Variants in CDHR4 observed in about 807,000 individuals in gnomAD.
The protein encoded by CDHR4 is cadherin related family member 4.
Under a neutral mutation model 88.4 loss-of-function variants are expected in CDHR4, and 89 were observed. The observed-to-expected ratio is 1.01, with a 90% CI of 0.85 to 1.20. CDHR4 has a LOEUF of 1.20. CDHR4 is among the 50% of genes most tolerant of loss of function. The pLI is 0.00. For missense variants in CDHR4, 914 were observed against 1,007.2 expected (o/e 0.91, Z 1.25); for synonymous variants, 368 against 399.2 (o/e 0.92, Z 0.93).
upstream of CDHR4, among the ~76,000 whole-genome samples, chr3:49,800,577 T>C (rs920772205): frequency 1.9e-4 from 29 of 151,834 alleles, no homozygotes; most frequent in Non-Finnish European, 3.5e-4. Context: ...AAGGAATCCT[T>C]TATGATAGAA....
chr3:49,797,044 G>A lies in CDHR4; in HGVS notation c.496-12C>T. On this transcript the variant is annotated splice_polypyrimidine_tract_variant and intron_variant, in intron 4 of 18. Coordinates refer to ENST00000412678, the MANE Select transcript of CDHR4 (RefSeq NM_001007540.4). ...CTGATAATGCTCATCTGACAGAACA[G>A]AGATGCTGGCAACCACATTCAGCCC... 6.5e-7 allele frequency: 1 copy of A among 1,549,652 alleles called. No individual in the cohort carries two copies.
rs552439019 is a variant in CDHR4, at chr3:49,795,264, C to T, written c.963G>A (p.Lys321=). 1.0e-5 allele frequency: 16 copies of T among 1,551,686 alleles called. No individual in the cohort carries two copies. Among genetic ancestry groups the T allele is most frequent in the East Asian group, 4.9e-5 (2 of 40,922 alleles). ...FEQGQLWASA[K]LNLTMNVQLV... is the part of the protein sequence containing the mutation. ...GCTGCACATTCATGGTGAGATTGAG[C>T]TTGGCACTGGCCCACAGCTGGCCCT... is the stretch of plus-strand genomic sequence containing the variant. Residue 321 remains lysine, a synonymous_variant, in exon 8 of 19, where the codon AAG becomes AAA. Transcript: ENST00000412678. This position sits in a 1 kb window ranked among gnomAD's most constrained non-coding sequence, Gnocchi z 5.4.
At chr3:49,791,562 T>A (rs1406551763) in intron 17 of CDHR4, 94 bp from the exon 18 acceptor site, 1 of 1,489,724 alleles carries the variant, frequency 6.7e-7, no homozygotes, top group Non-Finnish European at 9.1e-7. Flanking sequence ...GAAGCCCACC[T>A]GCCTCCTCCA....
Position 49,799,798 on chromosome 3 carries a change from C to G in CDHR4, c.15G>C (p.Arg5Ser). 1 of 1,613,924 alleles carries G rather than the reference C, an allele frequency of 6.2e-7. No individual in the cohort carries two copies. The highest frequency in any genetic ancestry group is 1.1e-5 in the South Asian group (1 of 91,062). ...CCGGAGCAAAGAGGAACACGAGGAG[C>G]CTGAGCAGCACCATGATGACCTGAA... MVLL[R>S]LLVFLFAPVV... is the part of the protein sequence containing the mutation. Residue 5 changes from arginine (R) to serine (S), a missense_variant, in exon 1 of 19, where the codon AGG (arginine) becomes AGC (serine). By Grantham distance (110) the Arg-to-Ser change is moderately radical. Coordinates refer to ENST00000412678, the MANE Select transcript of CDHR4 (RefSeq NM_001007540.4).
chr3:49,792,447 G>A, intron 15 of CDHR4, 21 bp downstream of exon 15: 1 of 1,551,082 alleles, frequency 6.4e-7, no homozygotes, highest in Non-Finnish European at 8.7e-7. Flanking sequence ...CAAGTAGGGA[G>A]CACAAGGATA....
rs1415748472 is a variant in CDHR4, at chr3:49,793,176, A to G, written c.1759T>C (p.Tyr587His). ...TGTCCCCTACCTCCCACGATGCTAT[A>G]GGAGTAGATCAGGCGCTGTGGCTCC... is the stretch of plus-strand genomic sequence containing the variant. ...PQEPQRLIYS[Y>H]SIVGGNSQNR... Residue 587 changes from tyrosine (Y) to histidine (H), a missense_variant, in exon 13 of 19, where the codon TAT (tyrosine) becomes CAT (histidine). Physicochemically the swap from Tyr to His is moderately conservative, Grantham distance 83. Coordinates refer to ENST00000412678, the MANE Select transcript of CDHR4 (RefSeq NM_001007540.4). 1 of 1,551,682 alleles carries G rather than the reference A, an allele frequency of 6.4e-7. No individual in the cohort carries two copies. Among genetic ancestry groups the G allele is most frequent in the Non-Finnish European group, 8.7e-7 (1 of 1,146,978 alleles).
At position 49,791,758 on chromosome 3, in the gene CDHR4, G is replaced by C. The variant is rs1251873380; in HGVS notation, c.2239C>G (p.Pro747Ala). 4.1e-5 allele frequency: 63 copies of C among 1,551,542 alleles called. No homozygotes were observed. Among genetic ancestry groups the C allele is most frequent in the Non-Finnish European group, 5.3e-5 (61 of 1,146,984 alleles). ...GGTGCCTGGGACATCTCCATCTTCG[G>C]TGCCTCCAGGAAACCCTCGATGGAT... ...EGSIEGFLEA[P>A]KMEMSQAPSS... The change falls in exon 17 of 19, where the codon CCG becomes GCG. Residue 747 changes from proline (P) to alanine (A), a missense_variant. Transcript: ENST00000412678.
At chr3:49,800,689 G>GT (rs1194500147), upstream of CDHR4, among the ~76,000 whole-genome samples, 1 of 152,030 alleles carries the variant, frequency 6.6e-6, no homozygotes, top group Non-Finnish European at 1.5e-5. Flanking sequence ...AGCTGCACAA[G>GT]TGTCTACAGA....
At chr3:49,792,340 T>C (rs2081191627) in intron 15 of CDHR4, 128 bp downstream of exon 15, 3 of 1,183,512 alleles carry the variant, frequency 2.5e-6, no homozygotes, top group Non-Finnish European at 3.5e-6. Flanking sequence ...AGAGTAGCCC[T>C]CCTCAATATC....
At chr3:49,798,648 A>C (rs1374952597) in intron 4 of CDHR4, 178 bp downstream of exon 4, 2 of 607,200 alleles carry the variant, frequency 3.3e-6, no homozygotes, top group African/African-American at 3.7e-5. Flanking sequence ...AGCCATGGTC[A>C]CTGGGGAGTG....
intron 10 of CDHR4, among the ~76,000 whole-genome samples, 181 bp from the exon 11 acceptor site, chr3:49,794,187 A>G (rs1221258121): frequency 1.3e-5 from 2 of 152,176 alleles, no homozygotes; most frequent in Non-Finnish European, 2.9e-5. Flanking sequence ...TCACGAGGTC[A>G]GGAGATTGAG....
At chr3:49,794,835 C>T (rs2108281520) in intron 9 of CDHR4, 112 bp downstream of exon 9, 1 of 1,466,602 alleles carries the variant, frequency 6.8e-7, no homozygotes, top group South Asian at 1.3e-5. Flanking sequence ...CACAGGTTGG[C>T]TCGACAGCCA....
At position 49,791,446 on chromosome 3, in the gene CDHR4, T is replaced by A. The variant is rs759197093; in HGVS notation, c.2306A>T (p.Asp769Val). 1.0e-5 allele frequency: 16 copies of A among 1,540,874 alleles called. 1 individual carries two copies. The South Asian group carries it at 1.8e-4, about 18-fold the overall frequency. The change falls in exon 18 of 19, where the codon GAC becomes GTC. Residue 769 changes from aspartate (D) to valine (V), a missense_variant. Coordinates refer to ENST00000412678, the MANE Select transcript of CDHR4 (RefSeq NM_001007540.4). ...TTAGGAAGAGGGGGACTCACGGGAG[T>A]CCTGTGCTCTGCCATCAAAATGCTG... The part of the protein sequence containing the change: ...MSLHFDGRAQ[D>V]SRTGRDYLFN...
rs780621457 is a variant in CDHR4 at position 49,795,856 on chromosome 3, G to A, written c.710+87C>T. ...CCCTGGGCCCCCTCCTGTCAGGGCT[G>A]GGACTCAGCTCCAGCAGCCTCACCC... On this transcript the variant is annotated intron_variant, in intron 6 of 18. Coordinates refer to ENST00000412678, the MANE Select transcript of CDHR4 (RefSeq NM_001007540.4). The surrounding 1 kb of genome is among the most constrained non-coding windows in gnomAD (Gnocchi z 5.4). 1 of 1,525,328 alleles carries A rather than the reference G, an allele frequency of 6.6e-7. No homozygotes were observed. Among genetic ancestry groups the A allele is most frequent in the Non-Finnish European group, 8.8e-7 (1 of 1,131,684 alleles). The allele number at this position is 1,525,328 out of a possible 1,614,324, so 94.5% of individuals were successfully genotyped here.
chr3:49,799,735 T>G, intron 1 of CDHR4, 29 bp downstream of exon 1: 1 of 1,612,268 alleles, frequency 6.2e-7, no homozygotes, highest in Non-Finnish European at 8.5e-7. Context: ...AAGGGAAAAC[T>G]ACGGTTCCCC....
Position 49,793,024 on chromosome 3 carries a change from C to G in CDHR4, c.1825G>C (p.Asp609His). The G allele has an allele frequency of 6.4e-7, 1 of 1,551,614 alleles. No individual in the cohort carries two copies. ...ILQGAILVHSDLVLGPFWPEQ... is the reference protein window; with the variant it reads ...ILQGAILVHSHLVLGPFWPEQ... ...GGCCAGAACGGCCCCAACACAAGGT[C>G]ACTGTGCACCAGGATGGCCCCTTGC... is the stretch of plus-strand genomic sequence containing the variant. Residue 609 changes from aspartate (D) to histidine (H), a missense_variant, in exon 14 of 19, where the codon GAC becomes CAC. Coordinates refer to ENST00000412678, the MANE Select transcript of CDHR4 (RefSeq NM_001007540.4).
In CDHR4 at chr3:49,793,592, G is replaced by A. The variant is rs761915784; in HGVS notation, c.1614C>T (p.Ile538=). 1.5e-5 allele frequency: 24 copies of A among 1,551,580 alleles called. No homozygotes were observed. Among genetic ancestry groups the A allele is most frequent in the Middle Eastern group, 1.7e-4 (1 of 6,014 alleles). The change falls in exon 12 of 19, where the codon ATC becomes ATT. Residue 538 remains isoleucine, a synonymous_variant. Coordinates refer to ENST00000412678, the MANE Select transcript of CDHR4 (RefSeq NM_001007540.4). ...HHLSGSCTIT[I]EVEDVNDHAP... ...CTTAGGACGCAATTACCTCAACCTC[G>A]ATGGTAATGGTACAGGAGCCTGAGA...
chr3:49,800,912 TGTG>T (rs2081351577), upstream of CDHR4, among the ~76,000 whole-genome samples: 1 of 147,452 alleles, frequency 6.8e-6, no homozygotes, highest in African/African-American at 2.5e-5. Flanking sequence ...ATTAGCTGAG[TGTG>T]GTGGCACATG....
Position 49,790,893 on chromosome 3 carries a change from A to C in CDHR4, c.2312-6T>G. On this transcript the variant is annotated splice_region_variant and splice_polypyrimidine_tract_variant and intron_variant, in intron 18 of 18. Coordinates refer to ENST00000412678, the MANE Select transcript of CDHR4 (RefSeq NM_001007540.4). The stretch of plus-strand genomic sequence containing the variant: ...CAGGTAGTCTCTTCCGGTACCTAAA[A>C]CCGGTAGGAGAGAGAGGAGAGCAGG... 1.3e-6 allele frequency: 2 copies of C among 1,550,714 alleles called. No individual in the cohort carries two copies. Among genetic ancestry groups the C allele is most frequent in the Non-Finnish European group, 1.7e-6 (2 of 1,146,524 alleles).
Sources: allele counts gnomAD v4.1 joint callset (sites outside exome capture counted in the v4.1 genomes callset), GRCh38; gene constraint gnomAD v4.1.1; non-coding constraint Gnocchi (gnomAD v3.1); transcripts MANE v1.5; gene names NCBI Gene and HGNC (gene_info 2026-07-23, HGNC 2026-07-21).